The following GPC3 variants were observed in gnomAD, a reference collection of about 807,000 sequenced individuals.
The protein encoded by GPC3 is glypican-3.
A neutral mutation model predicts 34.4 loss-of-function variants in GPC3; 3 were observed. That is an observed-to-expected ratio of 0.09 (90% CI 0.04 to 0.23). GPC3 has a LOEUF of 0.23. Among genes scored for constraint, GPC3 ranks in the 10% least tolerant of loss-of-function variants. The probability of loss-of-function intolerance (pLI) is 1.00; values close to 1 mark genes in which losing one functional copy is unlikely to be tolerated. For synonymous variants in GPC3, 177 were observed against 174.0 expected (o/e 1.02, Z -0.13); for missense variants, 351 against 445.6 (o/e 0.79, Z 1.91).
intron 3 of GPC3, among the ~76,000 whole-genome samples, 194 bp from the exon 4 acceptor site, chrX:133,700,222 G>A (rs1022222472): frequency 1.8e-5 from 2 of 111,560 alleles, no homozygotes; most frequent in African/African-American, 6.5e-5. Flanking sequence ...GGGGAATGGG[G>A]GCCCCATTCT....
rs2071307383 is a variant in GPC3, at chrX:133,715,749, G to A, written c.1033-15721C>T. On this transcript the variant is annotated intron_variant, in intron 3 of 7. Transcript: ENST00000370818. ...ACCAAAAAATTTTCAGGAAAATCCA[G>A]GTAATGAGATGTCCATAAGTGCTAT... Among the ~76,000 whole-genome samples the A allele has an allele frequency of 2.7e-5, 3 of 110,827 alleles. 1 individual carries two copies. The Middle Eastern group carries it at 0.014, about 515-fold the overall frequency.
At chrX:133,974,927 A>C (rs1169076278) in intron 1 of GPC3, among the ~76,000 whole-genome samples, 1 of 111,301 alleles carries the variant, frequency 9.0e-6, no homozygotes, top group Admixed American at 9.5e-5. Flanking sequence ...GTTTGAAACC[A>C]AACTGATTAT....
chrX:133,810,761 C>T (rs748784836), intron 2 of GPC3, among the ~76,000 whole-genome samples: 4 of 105,379 alleles, frequency 3.8e-5, no homozygotes, highest in South Asian at 9.0e-4. Flanking sequence ...AAAAATTAGC[C>T]GGGCATATTG....
intron 7 of GPC3, among the ~76,000 whole-genome samples, chrX:133,569,140 C>T (rs1048294532): frequency 2.7e-5 from 3 of 111,510 alleles, no homozygotes; most frequent in Non-Finnish European, 5.6e-5. Flanking sequence ...TGCACGCCAG[C>T]CTGGGGGACA....
intron 3 of GPC3, among the ~76,000 whole-genome samples, chrX:133,747,344 T>G (rs774483188): frequency 9.0e-6 from 1 of 111,653 alleles, no homozygotes; most frequent in African/African-American, 3.2e-5. Context: ...TGCACAAACA[T>G]TCCTTCTTTT....
chrX:133,878,427 C>CA (rs938964204), intron 2 of GPC3, among the ~76,000 whole-genome samples: 82 of 98,559 alleles, frequency 8.3e-4, no homozygotes, highest in Admixed American at 3.2e-3. Context: ...GACTCTGTCT[C>CA]AAAAAAAAAA....
At chrX:133,538,576 T>TA (rs757405034) in intron 7 of GPC3, among the ~76,000 whole-genome samples, 66 of 110,825 alleles carry the variant, frequency 6.0e-4, no homozygotes, top group Non-Finnish European at 1.2e-3. Context: ...CTGTAGTAGT[T>TA]ACGGCAAACC....
At chrX:133,698,236 G>A (rs927254263) in intron 4 of GPC3, among the ~76,000 whole-genome samples, 25 of 112,067 alleles carry the variant, frequency 2.2e-4, no homozygotes, top group African/African-American at 8.1e-4. Context: ...AAATATGAAA[G>A]CTAGAAGGGG....
intron 6 of GPC3, among the ~76,000 whole-genome samples, chrX:133,631,939 C>T (rs779847072): frequency 2.0e-3 from 225 of 110,011 alleles, no homozygotes; most frequent in African/African-American, 6.9e-3. Context: ...AAACTCAAAC[C>T]AACAAAAGTT....
At chrX:133,642,329 T>C (rs953458512) in intron 6 of GPC3, among the ~76,000 whole-genome samples, 1 of 111,305 alleles carries the variant, frequency 9.0e-6, no homozygotes, top group African/African-American at 3.3e-5. Flanking sequence ...TGGTGGCACA[T>C]TAAAGAAGAC....
At chrX:133,832,217 T>C (rs996376937) in intron 2 of GPC3, among the ~76,000 whole-genome samples, 3 of 110,846 alleles carry the variant, frequency 2.7e-5, no homozygotes, top group South Asian at 7.8e-4. Context: ...GAGGCAGACA[T>C]TGCAGTGAGT....
At chrX:133,848,725 A>C (rs886937859) in intron 2 of GPC3, among the ~76,000 whole-genome samples, 1 of 111,936 alleles carries the variant, frequency 8.9e-6, no homozygotes, top group African/African-American at 3.3e-5. Flanking sequence ...GCAAGGTACA[A>C]ATCAGTGTTG....
At chrX:133,762,367 G>A (rs1219443508) in intron 2 of GPC3, among the ~76,000 whole-genome samples, 2 of 111,686 alleles carry the variant, frequency 1.8e-5, no homozygotes, top group Non-Finnish European at 3.8e-5. Flanking sequence ...TTGACAAGTG[G>A]GACCTAATTA....
chrX:133,985,179 C>T, intron 1 of GPC3, 96 bp downstream of exon 1: 2 of 990,925 alleles, frequency 2.0e-6, no homozygotes, highest in Non-Finnish European at 2.8e-6. Context: ...GGGCGCACGA[C>T]TACAGCCCGG....
intron 4 of GPC3, among the ~76,000 whole-genome samples, chrX:133,694,775 A>C: frequency 9.1e-6 from 1 of 109,457 alleles, no homozygotes; most frequent in Non-Finnish European, 1.9e-5. Context: ...AAACAAACAA[A>C]AAAAAAACCA....
At chrX:133,811,477 T>G (rs1340892419) in intron 2 of GPC3, among the ~76,000 whole-genome samples, 1 of 111,663 alleles carries the variant, frequency 9.0e-6, no homozygotes. Context: ...GGTTTTTGGG[T>G]TTTTTGCTTG....
chrX:133,704,321 T>TA (rs2071195114), intron 3 of GPC3: 1 of 780,925 alleles, frequency 1.3e-6, no homozygotes, highest in Admixed American at 3.4e-5. Context: ...TGGAGTATGT[T>TA]ATTGTAGGGC....
At chrX:133,762,623 T>C (rs2071805583) in intron 2 of GPC3, among the ~76,000 whole-genome samples, 1 of 111,313 alleles carries the variant, frequency 9.0e-6, no homozygotes, top group African/African-American at 3.3e-5. Context: ...ATGCTCCACA[T>C]CACTAATCAT....
At chrX:133,575,554 C>G (rs1459136781) in intron 7 of GPC3, among the ~76,000 whole-genome samples, 1 of 111,748 alleles carries the variant, frequency 8.9e-6, no homozygotes, top group Non-Finnish European at 1.9e-5. Flanking sequence ...GTTATTTTAG[C>G]TGGGGCACTG....
Sources: gnomAD v4.1 joint callset for allele counts (sites outside exome capture counted in the v4.1 genomes callset) on GRCh38, gnomAD v4.1.1 for gene constraint, MANE v1.5 for transcripts, NCBI Gene and HGNC (gene_info 2026-07-23, HGNC 2026-07-21) for gene names.